GSE1: variants seen among roughly 807,000 people sequenced by gnomAD.
GSE1 encodes the protein genetic suppressor element 1.
In GSE1, 32 loss-of-function variants were observed where a neutral mutation model predicts 112.6. That is an observed-to-expected ratio of 0.28 (90% CI 0.21 to 0.38). The LOEUF is 0.38. GSE1 is among the 10% of genes least tolerant of loss of function. GSE1 has a pLI of 1.00. For synonymous variants in GSE1, 1,115 were observed against 735.6 expected, an observed-to-expected ratio of 1.52 and a Z score of -8.35; for missense variants, 2,348 against 1,699.2, an observed-to-expected ratio of 1.38 and a Z score of -6.71.
rs772014053 is a variant in GSE1, at chr16:85,665,176, G to A, written c.2758+48G>A. The A allele has an allele frequency of 1.9e-5, 21 of 1,130,056 alleles. No individual in the cohort carries two copies. The South Asian group carries it at 2.4e-4, about 13-fold the overall frequency. 70.0% of individuals were successfully genotyped at this position (1,130,056 alleles called of 1,614,324 possible). A position where few individuals can be genotyped will look rare whatever the true frequency, so the allele number is the denominator to read the frequency against. On this transcript the variant is annotated intron_variant, in intron 12 of 15. Transcript: ENST00000253458. Reference sequence around the variant, plus strand: ...TGCCACCACCCAGGACCATCCCATGGGCTGCCCAGGCTCAGAGGCGACCAC... The same window carrying A: ...TGCCACCACCCAGGACCATCCCATGAGCTGCCCAGGCTCAGAGGCGACCAC...
At chr16:85,315,509 G>T (rs1401864382) in intron 1 of GSE1, among the ~76,000 whole-genome samples, 1 of 152,110 alleles carries the variant, frequency 6.6e-6, no homozygotes, top group Non-Finnish European at 1.5e-5. Context: ...CCTCGGGTTG[G>T]CTGTTGCCTC....
intron 2 of GSE1, among the ~76,000 whole-genome samples, chr16:85,502,132 G>T (rs1233837950): frequency 6.6e-6 from 1 of 152,216 alleles, no homozygotes; most frequent in Non-Finnish European, 1.5e-5. Context: ...CTGAGGGAAG[G>T]CAGCTGGAGG....
Position 85,287,080 on chromosome 16 carries a change from C to T in GSE1, c.2284-70383C>T, listed in dbSNP as rs184372433. On this transcript the variant is annotated intron_variant, in intron 1 of 2. Coordinates refer to the GSE1 transcript ENST00000637419. ...TGGCCTCCCTGCCTGTCTCCGGGGA[C>T]GGGGACTGAGCTGGCGGCGGCAGAT... 7.7e-4 allele frequency among the ~76,000 whole-genome samples: 118 copies of T among 152,308 alleles called. 2 individuals are homozygous for T. Among genetic ancestry groups the T allele is most frequent in the African/African-American group, 2.5e-3 (104 of 41,570 alleles).
chr16:85,339,932 G>C (rs1173224436), intron 1 of GSE1, among the ~76,000 whole-genome samples: 3 of 152,190 alleles, frequency 2.0e-5, no homozygotes, highest in African/African-American at 7.2e-5. Context: ...CAAGAACGGT[G>C]CTTGGCCCAG....
chr16:85,516,735 G>A (rs1292699019), intron 2 of GSE1, among the ~76,000 whole-genome samples: 2 of 151,452 alleles, frequency 1.3e-5, no homozygotes, highest in African/African-American at 2.4e-5. Flanking sequence ...GGTGGTATTC[G>A]TAGCGTTACC....
Position 85,565,219 on chromosome 16 carries a change from G to C in GSE1, c.37+8856G>C, listed in dbSNP as rs929300484. On this transcript the variant is annotated intron_variant, in intron 1 of 2. Transcript: ENST00000635906. ...AGCCTGACCAACATGATGAAACCCC[G>C]TCTCTACTAAAAATACAAAAAAATT... is the stretch of plus-strand genomic sequence containing the variant. 2.0e-5 allele frequency among the ~76,000 whole-genome samples: 3 copies of C among 151,804 alleles called. No individual in the cohort carries two copies. The East Asian group carries it at 5.8e-4, about 29-fold the overall frequency.
In GSE1 at chr16:85,427,585, T is replaced by C. The variant is rs921364703; in HGVS notation, c.2464+69942T>C. On this transcript the variant is annotated intron_variant, in intron 2 of 2. Transcript: ENST00000637419. ...TGAACTCGGGAGGTGGAGGTTGCAG[T>C]GAACCAAGATCGCGCCACTGCACTC... 3.9e-5 allele frequency among the ~76,000 whole-genome samples: 6 copies of C among 152,266 alleles called. No homozygotes were observed. In the East Asian group the frequency reaches 7.7e-4, roughly 20 times the overall value.
chr16:85,212,882 C>A (rs181041657), intron 1 of GSE1, among the ~76,000 whole-genome samples: 3 of 152,102 alleles, frequency 2.0e-5, no homozygotes, highest in Non-Finnish European at 4.4e-5. Context: ...AATCCCAGCA[C>A]TTTGGGAGGC....
rs545043718 is a variant in GSE1 at position 85,287,741 on chromosome 16, G to A, written c.2284-69722G>A. Among the ~76,000 whole-genome samples the A allele has an allele frequency of 9.2e-5, 14 of 152,180 alleles. No individual in the cohort carries two copies. The South Asian group carries it at 2.7e-3, about 29-fold the overall frequency. On this transcript the variant is annotated intron_variant, in intron 1 of 2. Coordinates refer to the GSE1 transcript ENST00000637419. The stretch of plus-strand genomic sequence containing the variant: ...CCGATGCCATTTTCCTCCTTGGCAT[G>A]TGTTACCAGCACTGGCTGGTGAGTT...
At chr16:85,638,177 C>T (rs145971607) in intron 2 of GSE1, among the ~76,000 whole-genome samples, 2 of 152,376 alleles carry the variant, frequency 1.3e-5, no homozygotes, top group Admixed American at 6.5e-5. Context: ...CGTCTCTCCT[C>T]TCATTGTGTC....
intron 1 of GSE1, among the ~76,000 whole-genome samples, chr16:85,259,098 G>T (rs7191809): frequency 0.099 from 15,053 of 152,162 alleles, 1,453 homozygotes; most frequent in African/African-American, 0.24. Flanking sequence ...CAGGATAGGG[G>T]CTCAGTGCAA....
intron 2 of GSE1, among the ~76,000 whole-genome samples, chr16:85,505,362 A>G (rs1295260625): frequency 1.3e-5 from 2 of 152,102 alleles, no homozygotes; most frequent in African/African-American, 4.8e-5. Flanking sequence ...CCTTCCACAC[A>G]TGCCCACATC....
intron 1 of GSE1, among the ~76,000 whole-genome samples, chr16:85,255,617 C>G (rs569920096): frequency 6.6e-6 from 1 of 152,186 alleles, no homozygotes; most frequent in African/African-American, 2.4e-5. Context: ...GTTGGCAAGG[C>G]TGGTGTCGAA....
intron 2 of GSE1, chr16:85,359,290 G>A (rs1402812464): frequency 7.0e-6 from 3 of 428,036 alleles, no homozygotes; most frequent in South Asian, 3.3e-5. Flanking sequence ...GGTCAGTGGA[G>A]GGCTCCGAGG....
rs1449466526 is a variant in GSE1, at chr16:85,641,340, C to A, written c.226+7208C>A. Among the ~76,000 whole-genome samples, 3 of 152,264 alleles carry A rather than the reference C, an allele frequency of 2.0e-5. 1 individual carries two copies. The highest frequency in any genetic ancestry group is 4.4e-5 in the Non-Finnish European group (3 of 68,038). ...GGCAAAACGCATCTCCAGCTAGAAA[C>A]CCGCACCTCCCGCTGTCAGTTTGGG... On this transcript the variant is annotated intron_variant, in intron 2 of 15. Transcript: ENST00000253458.
At chr16:85,214,190 G>T (rs902877189) in intron 1 of GSE1, among the ~76,000 whole-genome samples, 1 of 152,190 alleles carries the variant, frequency 6.6e-6, no homozygotes. Context: ...GCTCACCCAC[G>T]AGAGCAGCTC....
chr16:85,208,417 G>A (rs976270524), intron 1 of GSE1, among the ~76,000 whole-genome samples: 3 of 152,192 alleles, frequency 2.0e-5, no homozygotes, highest in South Asian at 2.1e-4. Context: ...CTCGAGGGGC[G>A]TCATAGCAGC....
rs2053500387 is a variant in GSE1 at position 85,673,461 on chromosome 16, T to G, written c.*922T>G. 1.4e-5 allele frequency: 2 copies of G among 146,434 alleles called. No individual in the cohort carries two copies. Among genetic ancestry groups the G allele is most frequent in the South Asian group, 4.4e-4 (2 of 4,538 alleles). The allele number at this position is 146,434 out of a possible 1,614,324, so 9.1% of individuals were successfully genotyped here. A position where few individuals can be genotyped will look rare whatever the true frequency, so the allele number is the denominator to read the frequency against. Reference sequence around the variant, plus strand: ...TCCTGTTTGGGGGTTTTGTTTGTTGTTTTGGTTTTTTTTGGGCAAAAAAAA... The same window carrying G: ...TCCTGTTTGGGGGTTTTGTTTGTTGGTTTGGTTTTTTTTGGGCAAAAAAAA... On this transcript the variant is annotated 3_prime_UTR_variant, in exon 16 of 16. Coordinates refer to ENST00000253458, the MANE Select transcript of GSE1 (RefSeq NM_014615.5).
chr16:85,431,677 C>A (rs537730772), intron 2 of GSE1, among the ~76,000 whole-genome samples: 1 of 152,144 alleles, frequency 6.6e-6, no homozygotes, highest in Admixed American at 6.5e-5. Flanking sequence ...TCCTTCGGAG[C>A]GAAGCTCCAC....
Sources: gnomAD v4.1 joint callset for allele counts (sites outside exome capture counted in the v4.1 genomes callset) on GRCh38, gnomAD v4.1.1 for gene constraint, MANE v1.5 for transcripts, NCBI Gene and HGNC (gene_info 2026-07-23, HGNC 2026-07-21) for gene names.